PSMA8: variants seen among roughly 807,000 people sequenced by gnomAD.
The protein encoded by PSMA8 is proteasome 20S subunit alpha 8.
A neutral mutation model predicts 32.4 loss-of-function variants in PSMA8; 18 were observed. The ratio of observed to expected loss-of-function variants is 0.56; its 90% confidence interval spans 0.38 to 0.82. The LOEUF (loss-of-function observed/expected upper bound fraction) is 0.82. PSMA8 is among the 40% of genes least tolerant of loss of function. The probability of loss-of-function intolerance (pLI) is 0.00; values close to 1 mark genes in which losing one functional copy is unlikely to be tolerated. For synonymous variants in PSMA8, 104 were observed against 98.1 expected, an observed-to-expected ratio of 1.06 and a Z score of -0.36; for missense variants, 298 against 300.7, an observed-to-expected ratio of 0.99 and a Z score of 0.07.
At chr18:26,157,651 G>T (rs2055100807) in intron 3 of PSMA8, among the ~76,000 whole-genome samples, 1 of 152,140 alleles carries the variant, frequency 6.6e-6, no homozygotes, top group Non-Finnish European at 1.5e-5. Flanking sequence ...TTTAATTAGA[G>T]ATAACCTAGT....
chr18:26,144,092 G>A (rs2054982030), intron 1 of PSMA8, among the ~76,000 whole-genome samples: 1 of 152,158 alleles, frequency 6.6e-6, no homozygotes, highest in Admixed American at 6.6e-5. Context: ...TTTAATATTA[G>A]AGGTGTTTTA....
At position 26,192,423 on chromosome 18, in the gene PSMA8, AC is replaced by A; in HGVS notation, c.*14del. On this transcript the variant is annotated 3_prime_UTR_variant, in exon 7 of 7. Transcript: ENST00000415576. The stretch of plus-strand genomic sequence containing the variant: ...AGAAATCTGTCTAATTCTTAGGATG[AC>A]CACTGGGAGGTCTTAATGTTTTGTT... The A allele has an allele frequency of 6.6e-7, 1 of 1,520,700 alleles. No homozygotes were observed. Among genetic ancestry groups the A allele is most frequent in the South Asian group, 1.4e-5 (1 of 73,238 alleles). 94.2% of individuals were successfully genotyped at this position (1,520,700 alleles called of 1,614,324 possible).
At chr18:26,180,733 G>A (rs1039431515) in intron 6 of PSMA8, among the ~76,000 whole-genome samples, 4 of 140,188 alleles carry the variant, frequency 2.9e-5, no homozygotes, top group Non-Finnish European at 4.5e-5. Context: ...CACACACAGA[G>A]TTATATGCAT....
chr18:26,187,570 A>G (rs1357624606), intron 6 of PSMA8, among the ~76,000 whole-genome samples: 1 of 152,182 alleles, frequency 6.6e-6, no homozygotes, highest in African/African-American at 2.4e-5. Context: ...ACATAGACTG[A>G]AAAAAAGAGA....
chr18:26,141,935 C>T (rs1050377557), intron 1 of PSMA8, among the ~76,000 whole-genome samples: 1 of 151,928 alleles, frequency 6.6e-6, no homozygotes, highest in Non-Finnish European at 1.5e-5. Context: ...ATCCTCCCAC[C>T]TCAGCCTTCC....
At chr18:26,162,387 T>A (rs1334796897) in intron 4 of PSMA8, among the ~76,000 whole-genome samples, 4 of 152,054 alleles carry the variant, frequency 2.6e-5, no homozygotes, top group Admixed American at 1.3e-4. Context: ...TTTTTTTAGG[T>A]TCCACATATA....
At chr18:26,189,015 G>A (rs1416236971) in intron 6 of PSMA8, among the ~76,000 whole-genome samples, 1 of 152,076 alleles carries the variant, frequency 6.6e-6, no homozygotes, top group South Asian at 2.1e-4. Context: ...AAGAACTTCT[G>A]CACAGCAAAG....
chr18:26,182,580 A>G (rs1426585356), intron 6 of PSMA8, among the ~76,000 whole-genome samples: 1 of 152,240 alleles, frequency 6.6e-6, no homozygotes, highest in Admixed American at 6.5e-5. Flanking sequence ...TCCGATGGAC[A>G]TGTACAAGGA....
In PSMA8 at chr18:26,178,897, C is replaced by T. The variant is rs546292710; in HGVS notation, c.545C>T (p.Ala182Val). The T allele has an allele frequency of 6.2e-6, 10 of 1,613,500 alleles. No individual in the cohort carries two copies. Among genetic ancestry groups the T allele is most frequent in the Non-Finnish European group, 8.5e-6 (10 of 1,179,640 alleles). Reference protein sequence around the residue: ...EFLEKNYTEDAIASDSEAIKL... With the variant: ...EFLEKNYTEDVIASDSEAIKL... ...CTAGAAAAGAATTACACAGAAGATG[C>T]CATAGCAAGTGACAGTGAAGCTATC... The change falls in exon 5 of 7, where the codon GCC (alanine) becomes GTC (valine). Residue 182 changes from alanine to valine, a missense_variant. Physicochemically the swap from Ala to Val is moderately conservative, Grantham distance 64 (BLOSUM62 0). Coordinates refer to ENST00000415576, the MANE Select transcript of PSMA8 (RefSeq NM_001025096.2).
intron 6 of PSMA8, among the ~76,000 whole-genome samples, chr18:26,179,854 G>A (rs1237759644): frequency 2.0e-5 from 3 of 151,866 alleles, no homozygotes; most frequent in East Asian, 3.8e-4. Flanking sequence ...AGAGACTGAG[G>A]TGGGAGGATC....
Position 26,192,677 on chromosome 18 carries a change from C to T in PSMA8, c.*266C>T, listed in dbSNP as rs2055413779. 4.7e-6 allele frequency: 1 copy of T among 210,674 alleles called. No homozygotes were observed. The highest frequency in any genetic ancestry group is 1.8e-4 in the South Asian group (1 of 5,524). The allele number at this position is 210,674 out of a possible 1,614,324, so 13.1% of individuals were successfully genotyped here. The stretch of plus-strand genomic sequence containing the variant: ...ATAAGCCTGAGACTCTATAATTTGT[C>T]CAGTGTCTTACTTACCTTCATATAT... On this transcript the variant is annotated 3_prime_UTR_variant, in exon 7 of 7. Coordinates refer to ENST00000415576, the MANE Select transcript of PSMA8 (RefSeq NM_001025096.2).
At chr18:26,184,281 C>T (rs2055335139) in intron 6 of PSMA8, among the ~76,000 whole-genome samples, 1 of 150,398 alleles carries the variant, frequency 6.6e-6, no homozygotes, top group African/African-American at 2.5e-5. Context: ...ATCTTTTTAC[C>T]TTAGATGAAA....
At chr18:26,150,494 T>G (rs368004275) in intron 2 of PSMA8, among the ~76,000 whole-genome samples, 1 of 152,154 alleles carries the variant, frequency 6.6e-6, no homozygotes, top group East Asian at 1.9e-4. Context: ...TGTGCCAGCA[T>G]GGCCTGCTAG....
chr18:26,154,537 A>G (rs554673702), intron 3 of PSMA8, among the ~76,000 whole-genome samples: 70 of 152,302 alleles, frequency 4.6e-4, no homozygotes, highest in African/African-American at 1.7e-3. Context: ...ATTACCACCG[A>G]GAAGGCCTGG....
At chr18:26,145,970 G>A (rs1307394417) in intron 2 of PSMA8, among the ~76,000 whole-genome samples, 5 of 152,060 alleles carry the variant, frequency 3.3e-5, no homozygotes, top group African/African-American at 9.7e-5. Flanking sequence ...ATTCCAACTA[G>A]CAATATATGA....
intron 6 of PSMA8, among the ~76,000 whole-genome samples, chr18:26,191,916 G>T (rs899240392): frequency 1.6e-4 from 24 of 152,016 alleles, no homozygotes; most frequent in Non-Finnish European, 2.9e-5. Context: ...ATTTCATTTC[G>T]CTATTCTATA....
rs139637910 is a variant in PSMA8, at chr18:26,185,888, C to T, written c.661-6431C>T. Among the ~76,000 whole-genome samples the T allele has an allele frequency of 7.0e-4, 106 of 150,362 alleles. 3 individuals are homozygous for T. Among genetic ancestry groups the T allele is most frequent in the Admixed American group, 1.3e-3 (20 of 15,096 alleles). The stretch of plus-strand genomic sequence containing the variant: ...ACTCCACATGAAAATATTACAAATC[C>T]TATTGCATTCTCAATTTTGATAAAT... On this transcript the variant is annotated intron_variant, in intron 6 of 6. Transcript: ENST00000415576.
intron 6 of PSMA8, among the ~76,000 whole-genome samples, chr18:26,187,321 T>C (rs1422849496): frequency 6.6e-6 from 1 of 152,152 alleles, no homozygotes; most frequent in Non-Finnish European, 1.5e-5. Context: ...CACTCCAGCC[T>C]GGGCGACAGA....
chr18:26,158,403 G>A (rs1411161920), intron 4 of PSMA8, among the ~76,000 whole-genome samples, 159 bp downstream of exon 4: 1 of 152,138 alleles, frequency 6.6e-6, no homozygotes, highest in Non-Finnish European at 1.5e-5. Context: ...GATTTTGGTT[G>A]GATAAAGAAT....
Sources: gnomAD v4.1 joint callset for allele counts (sites outside exome capture counted in the v4.1 genomes callset) on GRCh38, gnomAD v4.1.1 for gene constraint, MANE v1.5 for transcripts, NCBI Gene and HGNC (gene_info 2026-07-23, HGNC 2026-07-21) for gene names.